The following PALS1 variants were observed in gnomAD, a reference collection of about 807,000 sequenced individuals.
PALS1 encodes protein PALS1.
Under a neutral mutation model 78.9 loss-of-function variants are expected in PALS1, and 31 were observed. The observed-to-expected ratio is 0.39, with a 90% confidence interval of 0.30 to 0.53. The LOEUF (loss-of-function observed/expected upper bound fraction) is 0.53. Among genes scored for constraint, PALS1 ranks in the 20% least tolerant of loss-of-function variants. The pLI, the probability that PALS1 is intolerant of heterozygous loss-of-function variation, is 0.67. For missense variants in PALS1, 704 were observed against 826.5 expected (o/e 0.85, Z 1.82); for synonymous variants, 276 against 270.9 (o/e 1.02, Z -0.18).
chr14:67,293,840 C>T (rs934512406), intron 4 of PALS1, among the ~76,000 whole-genome samples: 1 of 152,036 alleles, frequency 6.6e-6, no homozygotes, highest in South Asian at 2.1e-4. Context: ...AAGGTTTGTC[C>T]AGCTGGCTAC....
At chr14:67,275,389 T>G (rs1390973259) in intron 2 of PALS1, among the ~76,000 whole-genome samples, 1 of 152,218 alleles carries the variant, frequency 6.6e-6, no homozygotes, top group East Asian at 1.9e-4. Context: ...ATGTGGTTTT[T>G]GTCTTTGGTT....
intron 1 of PALS1, among the ~76,000 whole-genome samples, chr14:67,247,653 C>T (rs970117615): frequency 6.6e-5 from 10 of 152,244 alleles, no homozygotes; most frequent in Non-Finnish European, 1.3e-4. Flanking sequence ...GCACTGCTCA[C>T]GGCAGCCTCG....
chr14:67,301,295 T>C, intron 4 of PALS1, 94 bp from the exon 5 acceptor site: 3 of 587,534 alleles, frequency 5.1e-6, no homozygotes, highest in Non-Finnish European at 8.5e-6. Flanking sequence ...ATTTTTATTA[T>C]TTTAATTTGT....
At chr14:67,279,922 A>G (rs1159870418) in intron 3 of PALS1, 1 of 179,838 alleles carries the variant, frequency 5.6e-6, no homozygotes, top group Non-Finnish European at 1.1e-5. Flanking sequence ...TAAATTTGTA[A>G]CTACAGTTTA....
chr14:67,327,490 T>A (rs1052361037), intron 14 of PALS1, among the ~76,000 whole-genome samples: 6 of 151,982 alleles, frequency 3.9e-5, no homozygotes, highest in East Asian at 1.9e-4. Context: ...TTATTTTATT[T>A]TTTTATTTTT....
At chr14:67,290,703 T>A (rs1409953439) in intron 3 of PALS1, among the ~76,000 whole-genome samples, 1 of 151,790 alleles carries the variant, frequency 6.6e-6, no homozygotes, top group African/African-American at 2.4e-5. Flanking sequence ...TAGACATTTT[T>A]TATATTTTTT....
chr14:67,286,090 T>C (rs1234094839), intron 3 of PALS1, among the ~76,000 whole-genome samples: 1 of 152,208 alleles, frequency 6.6e-6, no homozygotes, highest in East Asian at 1.9e-4. Flanking sequence ...AAACTAGATA[T>C]AAAGAAATTC....
chr14:67,290,007 C>T (rs1308512864), intron 3 of PALS1, among the ~76,000 whole-genome samples: 1 of 152,000 alleles, frequency 6.6e-6, no homozygotes, highest in Admixed American at 6.6e-5. Flanking sequence ...CTCCTGACCT[C>T]ATGATCCACC....
chr14:67,331,256 G>A (rs10083528), intron 14 of PALS1, among the ~76,000 whole-genome samples: 12,228 of 152,132 alleles, frequency 0.08, 1,170 homozygotes, highest in African/African-American at 0.23. Context: ...TGTTGGCCAG[G>A]CTGGTCTCAA....
chr14:67,297,290 A>T (rs945325492), intron 4 of PALS1, among the ~76,000 whole-genome samples: 1 of 152,346 alleles, frequency 6.6e-6, no homozygotes, highest in South Asian at 2.1e-4. Flanking sequence ...ATGAAGTTGT[A>T]TAGGAACAGG....
At chr14:67,251,900 G>T (rs1411004845) in intron 1 of PALS1, among the ~76,000 whole-genome samples, 3 of 152,122 alleles carry the variant, frequency 2.0e-5, no homozygotes, top group East Asian at 1.9e-4. Context: ...GGCAAAGAGG[G>T]GCTAGAGATA....
chr14:67,244,140 T>A (rs1285365978), intron 1 of PALS1, among the ~76,000 whole-genome samples: 1 of 152,232 alleles, frequency 6.6e-6, no homozygotes, highest in African/African-American at 2.4e-5. Context: ...AACTACTAAC[T>A]GCAATTCATT....
chr14:67,264,132 A>G (rs2084281098), intron 1 of PALS1, among the ~76,000 whole-genome samples: 1 of 152,216 alleles, frequency 6.6e-6, no homozygotes, highest in African/African-American at 2.4e-5. Flanking sequence ...ACATGCAACC[A>G]TATGTACAAG....
chr14:67,289,108 A>T (rs1033958113), intron 3 of PALS1, among the ~76,000 whole-genome samples: 1 of 150,464 alleles, frequency 6.6e-6, no homozygotes, highest in African/African-American at 2.5e-5. Context: ...CTGGGACTAC[A>T]GGAGCACACC....
chr14:67,289,853 C>G (rs1215878793), intron 3 of PALS1, among the ~76,000 whole-genome samples: 1 of 147,854 alleles, frequency 6.8e-6, no homozygotes, highest in Non-Finnish European at 1.5e-5. Context: ...TCACTGCAAG[C>G]TCTGCCTCCT....
rs2085470635 is a variant in PALS1, at chr14:67,332,870, C to T, written c.1942C>T (p.Leu648Phe). The T allele has an allele frequency of 2.5e-6, 4 of 1,614,012 alleles. No individual in the cohort carries two copies. Among genetic ancestry groups the T allele is most frequent in the Non-Finnish European group, 3.4e-6 (4 of 1,179,904 alleles). Residue 648 changes from leucine (L) to phenylalanine (F), a missense_variant, in exon 15 of 15, where the codon CTT becomes TTT. Leu to Phe is a conservative substitution (Grantham distance 22, BLOSUM62 0). Coordinates refer to ENST00000261681, the MANE Select transcript of PALS1 (RefSeq NM_022474.4). Reference sequence around the variant, plus strand: ...TGATACGGCAATTGTGAATTCCGATCTTGATAAAGCCTATCAGGAATTGCT... The same window carrying T: ...TGATACGGCAATTGTGAATTCCGATTTTGATAAAGCCTATCAGGAATTGCT... ...YFDTAIVNSD[L>F]DKAYQELLRL... is the part of the protein sequence containing the mutation.
At chr14:67,256,900 G>C (rs146628905) in intron 1 of PALS1, among the ~76,000 whole-genome samples, 73 of 151,990 alleles carry the variant, frequency 4.8e-4, no homozygotes, top group African/African-American at 1.7e-3. Context: ...AAAGAATGTG[G>C]GTATTGTGAA....
rs1240464661 is a variant in PALS1, at chr14:67,319,884, C to T, written c.1370-346C>T. Among the ~76,000 whole-genome samples the T allele has an allele frequency of 2.6e-5, 4 of 152,304 alleles. No individual in the cohort carries two copies. In the South Asian group the frequency reaches 8.3e-4, roughly 32 times the overall value. ...ACCTTCTTAAGTAGAATATTAATAT[C>T]TGCATTCTTCAAAAATGACGGATAT... is the stretch of plus-strand genomic sequence containing the variant. On this transcript the variant is annotated intron_variant, in intron 11 of 14. Coordinates refer to ENST00000261681, the MANE Select transcript of PALS1 (RefSeq NM_022474.4).
chr14:67,314,612 A>ATGG lies in PALS1; in HGVS notation c.1225+1905_1225+1907dup, dbSNP rs2085140862. On this transcript the variant is annotated intron_variant, in intron 9 of 14. Transcript: ENST00000261681. Reference sequence around the variant, plus strand: ...CCTCAGGCTTGTGCCAAATATCAGTATGGTGTCTTCCTACCATGCCGAACT... The same window carrying ATGG: ...CCTCAGGCTTGTGCCAAATATCAGTATGGTGGTGTCTTCCTACCATGCCGAACT... 4.6e-5 allele frequency among the ~76,000 whole-genome samples: 7 copies of ATGG among 152,330 alleles called. No homozygotes were observed. In the South Asian group the frequency reaches 1.4e-3, roughly 32 times the overall value.
Sources: allele counts gnomAD v4.1 joint callset (sites outside exome capture counted in the v4.1 genomes callset), GRCh38; gene constraint gnomAD v4.1.1; transcripts MANE v1.5; gene names NCBI Gene and HGNC (gene_info 2026-07-23, HGNC 2026-07-21).